ZNF385D: variants seen among roughly 807,000 people sequenced by gnomAD.
ZNF385D encodes zinc finger protein 659.
Under a neutral mutation model 35.8 loss-of-function variants are expected in ZNF385D, and 15 were observed. That is an observed-to-expected ratio of 0.42 (90% CI 0.28 to 0.64). The LOEUF (loss-of-function observed/expected upper bound fraction) is 0.64. ZNF385D is among the 30% of genes least tolerant of loss of function. The probability of loss-of-function intolerance (pLI) is 0.23; values close to 1 mark genes in which losing one functional copy is unlikely to be tolerated. For missense variants in ZNF385D, 474 were observed against 494.6 expected (o/e 0.96, Z 0.39); for synonymous variants, 212 against 186.8 (o/e 1.13, Z -1.10).
chr3:21,801,354 G>A (rs2072390946), intron 3 of ZNF385D, among the ~76,000 whole-genome samples: 1 of 152,138 alleles, frequency 6.6e-6, no homozygotes, highest in African/African-American at 2.4e-5. Flanking sequence ...GTTAGGAAGT[G>A]TTAGCTCCTC....
chr3:21,829,459 G>T (rs981416759), intron 3 of ZNF385D, among the ~76,000 whole-genome samples: 17 of 152,108 alleles, frequency 1.1e-4, no homozygotes, highest in Non-Finnish European at 1.9e-4. Context: ...GCAGAGACAG[G>T]GTCAGAGAGA....
chr3:21,879,055 T>C (rs1698132576), intron 3 of ZNF385D, among the ~76,000 whole-genome samples: 1 of 152,016 alleles, frequency 6.6e-6, no homozygotes, highest in African/African-American at 2.4e-5. Context: ...TTTGTTATTT[T>C]TCATCATTTG....
chr3:22,124,817 T>C (rs1403902275), intron 3 of ZNF385D, among the ~76,000 whole-genome samples: 1 of 152,178 alleles, frequency 6.6e-6, no homozygotes, highest in Non-Finnish European at 1.5e-5. Context: ...TGGTTATTAG[T>C]TTCTTGTCAG....
intron 2 of ZNF385D, among the ~76,000 whole-genome samples, chr3:22,206,919 A>G (rs1347089874): frequency 6.6e-6 from 1 of 151,972 alleles, no homozygotes; most frequent in African/African-American, 2.4e-5. Flanking sequence ...AGATCAGCAT[A>G]GAAATAAATG....
chr3:21,510,380 G>A (rs1365358067), intron 4 of ZNF385D, among the ~76,000 whole-genome samples: 1 of 152,166 alleles, frequency 6.6e-6, no homozygotes, highest in Non-Finnish European at 1.5e-5. Flanking sequence ...GTATCACACA[G>A]CCACTACTTA....
At chr3:22,282,080 A>G (rs1701775868) in intron 2 of ZNF385D, among the ~76,000 whole-genome samples, 1 of 151,860 alleles carries the variant, frequency 6.6e-6, no homozygotes, top group Admixed American at 6.6e-5. Flanking sequence ...TTTCTGTGTT[A>G]TCAGTTGTAA....
chr3:21,480,870 A>T (rs563240870), intron 4 of ZNF385D, among the ~76,000 whole-genome samples: 5 of 152,352 alleles, frequency 3.3e-5, no homozygotes, highest in African/African-American at 1.2e-4. Context: ...AATTTTAACC[A>T]AATAACAGCA....
At chr3:22,332,158 G>T (rs1299611490) in intron 2 of ZNF385D, among the ~76,000 whole-genome samples, 1 of 152,130 alleles carries the variant, frequency 6.6e-6, no homozygotes, top group Non-Finnish European at 1.5e-5. Flanking sequence ...ACAAGACCTG[G>T]TTGTTTTATG....
At chr3:21,859,709 C>G (rs1334846474) in intron 3 of ZNF385D, among the ~76,000 whole-genome samples, 1 of 150,506 alleles carries the variant, frequency 6.6e-6, no homozygotes, top group Admixed American at 6.6e-5. Flanking sequence ...AGGTGCTGAC[C>G]TCACTGCTGG....
chr3:22,162,070 ATGCTAGTTCC>A (rs1705992977), intron 3 of ZNF385D, among the ~76,000 whole-genome samples: 4 of 152,170 alleles, frequency 2.6e-5, no homozygotes, highest in Non-Finnish European at 5.9e-5. Flanking sequence ...GGAACAGTTG[ATGCTAGTTCC>A]CTTCTCATTT....
chr3:22,151,235 A>C (rs1453051251), intron 3 of ZNF385D, among the ~76,000 whole-genome samples: 1 of 152,130 alleles, frequency 6.6e-6, no homozygotes, highest in South Asian at 2.1e-4. Flanking sequence ...ACACATTTGG[A>C]TATGCTGGCT....
At chr3:22,061,479 A>G (rs1230518270) in intron 3 of ZNF385D, among the ~76,000 whole-genome samples, 1 of 152,166 alleles carries the variant, frequency 6.6e-6, no homozygotes, top group Non-Finnish European at 1.5e-5. Flanking sequence ...AAGAGCAGCT[A>G]GAATCTCACT....
chr3:21,454,229 T>G (rs1162298007), intron 4 of ZNF385D, among the ~76,000 whole-genome samples: 1 of 152,108 alleles, frequency 6.6e-6, no homozygotes, highest in Admixed American at 6.6e-5. Flanking sequence ...AGGTAAAGGT[T>G]TCTTTTCACA....
intron 3 of ZNF385D, among the ~76,000 whole-genome samples, chr3:21,542,510 G>A (rs1055222019): frequency 6.6e-6 from 1 of 152,014 alleles, no homozygotes; most frequent in Admixed American, 6.6e-5. Flanking sequence ...ACCATGCCCG[G>A]CTAATTTTTT....
At chr3:21,852,817 T>C (rs1184418117) in intron 3 of ZNF385D, among the ~76,000 whole-genome samples, 3 of 151,810 alleles carry the variant, frequency 2.0e-5, no homozygotes, top group Non-Finnish European at 1.5e-5. Flanking sequence ...ATTAGGATAT[T>C]GAAAAAGAGT....
At chr3:22,008,754 G>T (rs73048183) in intron 3 of ZNF385D, among the ~76,000 whole-genome samples, 25,100 of 147,466 alleles carry the variant, frequency 0.17, 2,216 homozygotes, top group Non-Finnish European at 0.2. Flanking sequence ...TACACACACT[G>T]TGAGTAACAA....
At chr3:21,455,537 AG>A (rs1233742675) in intron 4 of ZNF385D, among the ~76,000 whole-genome samples, 5 of 152,216 alleles carry the variant, frequency 3.3e-5, no homozygotes, top group African/African-American at 1.2e-4. Flanking sequence ...AGCCATATGT[AG>A]AAAGCTGAAA....
At chr3:22,224,838 A>G (rs576198862) in intron 2 of ZNF385D, among the ~76,000 whole-genome samples, 2 of 152,192 alleles carry the variant, frequency 1.3e-5, no homozygotes, top group South Asian at 4.2e-4. Context: ...CCATGGACCC[A>G]CTCTGGAGCC....
chr3:21,492,274 C>A (rs1705478048), intron 4 of ZNF385D, among the ~76,000 whole-genome samples: 1 of 151,906 alleles, frequency 6.6e-6, no homozygotes, highest in African/African-American at 2.4e-5. Flanking sequence ...GCTTAAAAAT[C>A]AATAGCTAAA....
Sources: gnomAD v4.1 joint callset for allele counts (sites outside exome capture counted in the v4.1 genomes callset) on GRCh38, gnomAD v4.1.1 for gene constraint, MANE v1.5 for transcripts, NCBI Gene and HGNC (gene_info 2026-07-23, HGNC 2026-07-21) for gene names.